Variants in GDPD5 observed in about 807,000 individuals in gnomAD.
GDPD5 encodes glycerophosphodiester phosphodiesterase 2.
GDPD5 carries 48 observed loss-of-function variants against 75.1 expected under a neutral mutation model. That is an observed-to-expected ratio of 0.64 (90% CI 0.51 to 0.81). GDPD5 has a LOEUF of 0.81. Ranked by LOEUF, GDPD5 falls within the 40% of genes least tolerant of loss-of-function variation. The pLI is 0.00. For missense variants in GDPD5, 706 were observed against 822.6 expected (o/e 0.86, Z 1.73); for synonymous variants, 336 against 339.0 (o/e 0.99, Z 0.10).
At chr11:75,483,859 T>C (rs1949969559) in intron 2 of GDPD5, among the ~76,000 whole-genome samples, 1 of 152,126 alleles carries the variant, frequency 6.6e-6, no homozygotes, top group East Asian at 1.9e-4. Context: ...GCGGAGTGAC[T>C]GCTAATAGGT....
chr11:75,453,720 C>T (rs1425589864), intron 6 of GDPD5, among the ~76,000 whole-genome samples: 1 of 151,092 alleles, frequency 6.6e-6, no homozygotes, highest in East Asian at 1.9e-4. Flanking sequence ...GCAAAAAATT[C>T]ATAAATAGAT....
intron 3 of GDPD5, among the ~76,000 whole-genome samples, chr11:75,468,685 C>CG (rs1555006450): frequency 3.9e-5 from 6 of 152,016 alleles, no homozygotes; most frequent in Non-Finnish European, 7.4e-5. Context: ...CGACGCCCCC[C>CG]CCCCGGGAGG....
chr11:75,455,856 G>A (rs1057164033), intron 6 of GDPD5, among the ~76,000 whole-genome samples: 31 of 152,220 alleles, frequency 2.0e-4, no homozygotes, highest in Admixed American at 3.3e-4. Flanking sequence ...TTAAGGCTCC[G>A]GAATGGGTGA....
intron 1 of GDPD5, among the ~76,000 whole-genome samples, chr11:75,522,608 A>G (rs1268946591): frequency 6.6e-6 from 1 of 151,242 alleles, no homozygotes; most frequent in African/African-American, 2.4e-5. Flanking sequence ...GACATCATCA[A>G]CCCCAGCTCT....
In GDPD5 at chr11:75,514,114, G is replaced by A. The variant is rs61895072; in HGVS notation, c.-145+11096C>T. 4.0e-3 allele frequency among the ~76,000 whole-genome samples: 605 copies of A among 152,330 alleles called. 3 individuals are homozygous for A. The highest frequency in any genetic ancestry group is 6.7e-3 in the Non-Finnish European group (453 of 68,028). ...TTCAGCTGAGTGGGTAGGAAGGGGA[G>A]CACCAGGCTCTGTTTTGAGGAGGGA... is the stretch of plus-strand genomic sequence containing the variant. On this transcript the variant is annotated intron_variant, in intron 1 of 16. Transcript: ENST00000336898.
intron 15 of GDPD5, chr11:75,439,389 AG>A (rs992825044): frequency 5.9e-5 from 27 of 455,758 alleles, no homozygotes; most frequent in Non-Finnish European, 9.7e-5. Flanking sequence ...AGAGAGGGGG[AG>A]GGGGAGAGAG....
At chr11:75,469,184 G>A (rs377304480) in intron 3 of GDPD5, among the ~76,000 whole-genome samples, 78 of 152,318 alleles carry the variant, frequency 5.1e-4, no homozygotes, top group Middle Eastern at 3.4e-3. Context: ...GCCTGGCTCT[G>A]TAGGCTGTGG....
At chr11:75,464,960 C>A (rs1357284169) in intron 3 of GDPD5, among the ~76,000 whole-genome samples, 1 of 152,182 alleles carries the variant, frequency 6.6e-6, no homozygotes, top group Non-Finnish European at 1.5e-5. Context: ...CCACCACCCT[C>A]CAGCCAGCAC....
rs1949812391 is a variant in GDPD5, at chr11:75,477,789, G to T, written c.-54C>A. On this transcript the variant is annotated 5_prime_UTR_variant, in exon 3 of 17. It adds an upstream start codon to the 5' untranslated region. Coordinates refer to ENST00000336898, the MANE Select transcript of GDPD5 (RefSeq NM_030792.8). ...CCTCAGGCGCCCATGGAGGCCCCCAGCTTGTCCTGCAGGAGGAAGCACAGG... is the reference window on the plus strand; with the variant it reads ...CCTCAGGCGCCCATGGAGGCCCCCATCTTGTCCTGCAGGAGGAAGCACAGG... The T allele has an allele frequency of 2.3e-6, 3 of 1,289,680 alleles. No homozygotes were observed. The highest frequency in any genetic ancestry group is 2.9e-5 in the South Asian group (2 of 68,518). 79.9% of individuals were successfully genotyped at this position (1,289,680 alleles called of 1,614,324 possible).
chr11:75,478,309 G>C (rs1949825176), intron 2 of GDPD5, among the ~76,000 whole-genome samples: 1 of 152,134 alleles, frequency 6.6e-6, no homozygotes, highest in South Asian at 2.1e-4. Context: ...ACCACATCTG[G>C]CTAATTTTCG....
rs1170507167 is a variant in GDPD5 at position 75,456,820 on chromosome 11, A to T, written c.316-4T>A. 6.2e-7 allele frequency: 1 copy of T among 1,614,016 alleles called. No homozygotes were observed. The highest frequency in any genetic ancestry group is 8.5e-7 in the Non-Finnish European group (1 of 1,179,968). ...CAATGTGACATAGTGCCAGGACCTG[A>T]GGAGGGACCCACAGGGTGATTGTCA... On this transcript the variant is annotated splice_region_variant and splice_polypyrimidine_tract_variant and intron_variant, in intron 5 of 16. Coordinates refer to ENST00000336898, the MANE Select transcript of GDPD5 (RefSeq NM_030792.8).
At chr11:75,489,835 C>T (rs1950078434) in intron 2 of GDPD5, among the ~76,000 whole-genome samples, 1 of 151,802 alleles carries the variant, frequency 6.6e-6, no homozygotes, top group African/African-American at 2.4e-5. Flanking sequence ...AACTCCTGGG[C>T]TCAAGCAATC....
chr11:75,521,377 C>G (rs1941450094), intron 1 of GDPD5, among the ~76,000 whole-genome samples: 1 of 152,204 alleles, frequency 6.6e-6, no homozygotes, highest in Non-Finnish European at 1.5e-5. Context: ...ACAATTCAAA[C>G]AGATGCAGCT....
At chr11:75,479,501 G>A (rs778674004) in intron 2 of GDPD5, 2 of 152,186 alleles carry the variant, frequency 1.3e-5, no homozygotes, top group Non-Finnish European at 2.9e-5. Flanking sequence ...AGGAAGGAAG[G>A]AAGGATTTGC....
chr11:75,475,355 C>CCGG (rs1555008275), intron 3 of GDPD5, among the ~76,000 whole-genome samples: 1 of 152,118 alleles, frequency 6.6e-6, no homozygotes, highest in Non-Finnish European at 1.5e-5. Flanking sequence ...GTCTCCACCA[C>CCGG]CCCTCAACTC....
intron 2 of GDPD5, among the ~76,000 whole-genome samples, chr11:75,482,619 C>G (rs544734664): frequency 6.6e-6 from 1 of 152,344 alleles, no homozygotes; most frequent in South Asian, 2.1e-4. Context: ...TCCCTCCAAT[C>G]CAAACTCTTA....
chr11:75,509,144 TG>T (rs1950463466), intron 1 of GDPD5, among the ~76,000 whole-genome samples: 1 of 152,068 alleles, frequency 6.6e-6, no homozygotes, highest in Non-Finnish European at 1.5e-5. Context: ...GGGCAGGTCA[TG>T]TTAGACCCAG....
At chr11:75,443,791 A>G (rs1258764772) in intron 10 of GDPD5, among the ~76,000 whole-genome samples, 10 of 152,238 alleles carry the variant, frequency 6.6e-5, no homozygotes. Context: ...ATGGTGCCTT[A>G]GTGTGAAACA....
intron 1 of GDPD5, among the ~76,000 whole-genome samples, chr11:75,523,285 C>G (rs1355489579): frequency 1.3e-5 from 2 of 152,226 alleles, no homozygotes; most frequent in Non-Finnish European, 2.9e-5. Context: ...GTCTGATTTA[C>G]CACTATCTGG....
Sources: gnomAD v4.1 joint callset for allele counts (sites outside exome capture counted in the v4.1 genomes callset) on GRCh38, gnomAD v4.1.1 for gene constraint, MANE v1.5 for transcripts, NCBI Gene and HGNC (gene_info 2026-07-23, HGNC 2026-07-21) for gene names.